The following CNBD1 variants were observed in gnomAD, a reference collection of about 807,000 sequenced individuals.
CNBD1 encodes cyclic nucleotide binding domain containing 1, also known as cyclic nucleotide-binding domain-containing protein 1.
Under a neutral mutation model 54.4 loss-of-function variants are expected in CNBD1, and 71 were observed. That is an observed-to-expected ratio of 1.30 (90% confidence interval 1.08 to 1.59). CNBD1 has a LOEUF of 1.59. Among genes scored for constraint, CNBD1 ranks in the 40% most tolerant of loss-of-function variants. CNBD1 has a pLI of 0.00. For missense variants in CNBD1, 659 were observed against 518.0 expected (o/e 1.27, Z -2.64); for synonymous variants, 182 against 170.7 (o/e 1.07, Z -0.51).
chr8:87,137,229 T>C (rs1812274089), intron 4 of CNBD1, among the ~76,000 whole-genome samples: 1 of 146,866 alleles, frequency 6.8e-6, no homozygotes, highest in Non-Finnish European at 1.5e-5. Context: ...CTATATAAAT[T>C]ACATATTATA....
intron 4 of CNBD1, among the ~76,000 whole-genome samples, chr8:87,115,709 G>A (rs1811753678): frequency 6.6e-6 from 1 of 152,164 alleles, no homozygotes; most frequent in Non-Finnish European, 1.5e-5. Context: ...AAGATGGTAT[G>A]ATAAGAGCAG....
chr8:86,949,958 T>G (rs185698113), intron 4 of CNBD1, among the ~76,000 whole-genome samples: 1,765 of 35,718 alleles, frequency 0.049, 26 homozygotes, highest in Middle Eastern at 0.086. Flanking sequence ...TTTTTTTTTT[T>G]TTTTTTTTTT....
chr8:87,137,175 A>C, intron 4 of CNBD1, among the ~76,000 whole-genome samples: 1 of 138,390 alleles, frequency 7.2e-6, no homozygotes, highest in South Asian at 2.2e-4. Context: ...TATATATATT[A>C]TATTTTTATT....
chr8:86,995,462 C>A (rs978183503), intron 4 of CNBD1, among the ~76,000 whole-genome samples: 4 of 152,070 alleles, frequency 2.6e-5, no homozygotes, highest in African/African-American at 9.7e-5. Context: ...AGATTCCTGA[C>A]CCCTGACATA....
chr8:87,330,793 AC>A lies in CNBD1; in HGVS notation c.1043-20890del, dbSNP rs1309585274. On this transcript the variant is annotated intron_variant, in intron 8 of 10. Transcript: ENST00000518476. ...TAAGTAGATTATAGATGTCAATTTTACCAAATGATTGATGATGTTGTTGAGT... is the reference window on the plus strand; with the variant it reads ...TAAGTAGATTATAGATGTCAATTTTACAAATGATTGATGATGTTGTTGAGT... Among the ~76,000 whole-genome samples the A allele has an allele frequency of 7.4e-4, 113 of 152,268 alleles. 1 individual carries two copies. Among genetic ancestry groups the A allele is most frequent in the African/African-American group, 2.6e-3 (107 of 41,550 alleles).
At chr8:86,909,476 T>C (rs1016865788) in intron 3 of CNBD1, among the ~76,000 whole-genome samples, 1 of 152,220 alleles carries the variant, frequency 6.6e-6, no homozygotes, top group Admixed American at 6.5e-5. Flanking sequence ...ATTTTTTAAA[T>C]GTAATTGTAA....
At chr8:87,405,664 T>C (rs1807640059) in intron 2 of CNBD1, among the ~76,000 whole-genome samples, 1 of 152,122 alleles carries the variant, frequency 6.6e-6, no homozygotes, top group African/African-American at 2.4e-5. Context: ...AAGTATGTCA[T>C]AGGCATTATT....
intron 1 of CNBD1, among the ~76,000 whole-genome samples, chr8:86,878,635 A>G (rs1180758963): frequency 6.6e-6 from 1 of 151,990 alleles, no homozygotes; most frequent in Non-Finnish European, 1.5e-5. Flanking sequence ...CCTTTCATGA[A>G]TGTCACTGGT....
In CNBD1 at chr8:87,096,189, C is replaced by A. The variant is rs76066281; in HGVS notation, c.432-109804C>A. Among the ~76,000 whole-genome samples the A allele has an allele frequency of 6.3e-3, 953 of 152,262 alleles. 13 individuals carry two copies. The highest frequency in any genetic ancestry group is 0.022 in the African/African-American group (905 of 41,538). On this transcript the variant is annotated intron_variant, in intron 4 of 10. Transcript: ENST00000518476. ...AATACCATAGACTGGGCAACTTAAA[C>A]AATAGAAATTTATGTTTTCACAATT...
intron 4 of CNBD1, among the ~76,000 whole-genome samples, chr8:87,154,212 A>G (rs1157760602): frequency 6.6e-6 from 1 of 152,200 alleles, no homozygotes; most frequent in African/African-American, 2.4e-5. Context: ...GGTGTAATAG[A>G]AAGTGAAATA....
At chr8:86,996,451 C>A (rs1277293289) in intron 4 of CNBD1, among the ~76,000 whole-genome samples, 4 of 152,138 alleles carry the variant, frequency 2.6e-5, no homozygotes, top group African/African-American at 7.2e-5. Context: ...AGTTTATAAA[C>A]CTGATCAATG....
At chr8:87,153,665 A>G (rs891274115) in intron 4 of CNBD1, among the ~76,000 whole-genome samples, 6 of 152,230 alleles carry the variant, frequency 3.9e-5, no homozygotes, top group African/African-American at 9.6e-5. Flanking sequence ...TATCCATTCA[A>G]TGGCTACTTA....
intron 1 of CNBD1, among the ~76,000 whole-genome samples, chr8:86,885,451 GGTTAAGT>G (rs1219017852): frequency 6.6e-6 from 1 of 151,978 alleles, no homozygotes; most frequent in African/African-American, 2.4e-5. Flanking sequence ...CGTGTTATAG[GGTTAAGT>G]CTTTTCTGCT....
intron 4 of CNBD1, among the ~76,000 whole-genome samples, chr8:86,982,461 A>G (rs944258500): frequency 2.0e-5 from 3 of 152,110 alleles, no homozygotes; most frequent in African/African-American, 7.2e-5. Context: ...TTAATTGGCT[A>G]TTTAACTTTT....
chr8:86,872,294 G>A (rs1321964634), intron 1 of CNBD1, among the ~76,000 whole-genome samples: 1 of 152,062 alleles, frequency 6.6e-6, no homozygotes, highest in Non-Finnish European at 1.5e-5. Context: ...GTTCTTCAGA[G>A]TTTTCCTAAA....
chr8:87,089,806 A>G (rs1811171484), intron 4 of CNBD1, among the ~76,000 whole-genome samples: 1 of 151,992 alleles, frequency 6.6e-6, no homozygotes, highest in African/African-American at 2.4e-5. Context: ...CTATTGGATT[A>G]TTAGTGTTGA....
At chr8:87,171,942 A>G (rs2130769240) in intron 4 of CNBD1, among the ~76,000 whole-genome samples, 1 of 151,912 alleles carries the variant, frequency 6.6e-6, no homozygotes, top group African/African-American at 2.4e-5. Context: ...TGGGCTGAAG[A>G]TTTTCTTCGC....
chr8:86,953,037 C>G (rs1354514976), intron 4 of CNBD1, among the ~76,000 whole-genome samples: 5 of 152,136 alleles, frequency 3.3e-5, no homozygotes, highest in Non-Finnish European at 7.4e-5. Flanking sequence ...TTATTTGGAT[C>G]TTGATCCATG....
chr8:86,871,433 A>G (rs1302405715), intron 1 of CNBD1, among the ~76,000 whole-genome samples: 2 of 152,230 alleles, frequency 1.3e-5, no homozygotes, highest in African/African-American at 4.8e-5. Flanking sequence ...TGATAGGACG[A>G]TTAAACTTTT....
Sources: allele counts gnomAD v4.1 joint callset (sites outside exome capture counted in the v4.1 genomes callset), GRCh38; gene constraint gnomAD v4.1.1; transcripts MANE v1.5; gene names NCBI Gene and HGNC (gene_info 2026-07-23, HGNC 2026-07-21).